GPHN: variants seen among roughly 807,000 people sequenced by gnomAD.
The protein encoded by GPHN is gephyrin.
GPHN carries 17 observed loss-of-function variants against 95.5 expected under a neutral mutation model. The ratio of observed to expected loss-of-function variants is 0.18; its 90% CI spans 0.12 to 0.27. GPHN has a LOEUF of 0.27. Among genes scored for constraint, GPHN ranks in the 10% least tolerant of loss-of-function variants. GPHN has a pLI of 1.00. For synonymous variants in GPHN, 320 were observed against 322.5 expected (o/e 0.99, Z 0.08); for missense variants, 660 against 978.1 (o/e 0.67, Z 4.34).
chr14:67,192,561 T>C, the GPHN span, among the ~76,000 whole-genome samples: 10 of 151,820 alleles, frequency 6.6e-5, no homozygotes, highest in Non-Finnish European at 1.3e-4. Flanking sequence ...AAGGAGCTTA[T>C]CAGGAGAGAA....
the GPHN span, among the ~76,000 whole-genome samples, chr14:67,676,026 G>A: frequency 2.6e-5 from 4 of 152,166 alleles, no homozygotes; most frequent in African/African-American, 9.7e-5. Flanking sequence ...GAACCCGGGA[G>A]GCAGTGGTTG....
At chr14:66,667,046 A>G (rs181733456) in intron 1 of GPHN, among the ~76,000 whole-genome samples, 42 of 152,334 alleles carry the variant, frequency 2.8e-4, no homozygotes, top group Admixed American at 1.4e-3. Flanking sequence ...AGTTGCCACA[A>G]AAAGAATAAA....
the GPHN span, among the ~76,000 whole-genome samples, chr14:67,339,130 G>C: frequency 6.6e-6 from 1 of 151,690 alleles, no homozygotes; most frequent in Non-Finnish European, 1.5e-5. Context: ...CGAGTAGCTG[G>C]GAATACAGGC....
At chr14:67,627,413 C>T in the GPHN span, among the ~76,000 whole-genome samples, 1 of 151,912 alleles carries the variant, frequency 6.6e-6, no homozygotes, top group Non-Finnish European at 1.5e-5. Flanking sequence ...AGTAAAGACA[C>T]ATTACAAATC....
the GPHN span, chr14:67,651,432 C>G: frequency 6.2e-7 from 1 of 1,613,816 alleles, no homozygotes; most frequent in African/African-American, 1.3e-5. Context: ...CCCAGGATGG[C>G]GAGCTCCAGT....
chr14:67,578,199 G>A, the GPHN span: 4 of 1,612,890 alleles, frequency 2.5e-6, no homozygotes, highest in Non-Finnish European at 2.5e-6. The surrounding 1 kb of genome is among the most constrained non-coding windows in gnomAD (Gnocchi z 5.0). Context: ...CCCTCATGCA[G>A]GTAGGCATGC....
chr14:67,275,213 T>A, the GPHN span, among the ~76,000 whole-genome samples: 1 of 152,338 alleles, frequency 6.6e-6, no homozygotes, highest in South Asian at 2.1e-4. Context: ...TGAAAGAGAA[T>A]GCTTCCAGTT....
chr14:67,376,328 T>C, the GPHN span: 5 of 1,103,514 alleles, frequency 4.5e-6, no homozygotes, highest in Admixed American at 2.8e-5. Flanking sequence ...TATGGAGATC[T>C]TTTATTGTTA....
intron 1 of GPHN, among the ~76,000 whole-genome samples, chr14:66,582,910 T>C (rs2061253939): frequency 6.6e-6 from 1 of 152,212 alleles, no homozygotes; most frequent in Admixed American, 6.5e-5. Flanking sequence ...AGTAACGGGA[T>C]GGCTGGGTCA....
intron 3 of GPHN, among the ~76,000 whole-genome samples, chr14:66,787,858 TTA>T (rs1555406304): frequency 1.3e-5 from 2 of 150,520 alleles, no homozygotes; most frequent in Admixed American, 6.6e-5. Context: ...ATAAAAAGTA[TTA>T]TATATATATA....
chr14:66,986,164 A>G (rs2071017314), intron 9 of GPHN, among the ~76,000 whole-genome samples: 1 of 148,028 alleles, frequency 6.8e-6, no homozygotes, highest in Non-Finnish European at 1.5e-5. Context: ...TGGTATCATC[A>G]CCATTTATAG....
At chr14:66,842,589 C>A in intron 4 of GPHN, 1 of 873,404 alleles carries the variant, frequency 1.1e-6, no homozygotes, top group South Asian at 1.5e-5. Context: ...TCTTATTTCC[C>A]TGAACCAGTT....
chr14:66,880,833 T>G (rs1596260597), intron 5 of GPHN, among the ~76,000 whole-genome samples: 1 of 152,006 alleles, frequency 6.6e-6, no homozygotes, highest in Non-Finnish European at 1.5e-5. Context: ...TTAGCAACTC[T>G]TAGATTTAGA....
chr14:67,175,177 T>C (rs149626774), intron 21 of GPHN, among the ~76,000 whole-genome samples: 1,834 of 152,258 alleles, frequency 0.012, 19 homozygotes, highest in Non-Finnish European at 0.018. Context: ...AATGGTATTG[T>C]CTAGGTTTTC....
chr14:67,181,006 G>A lies in GPHN; in HGVS notation c.*69G>A, dbSNP rs891592304. 10 of 1,464,604 alleles carry A rather than the reference G, an allele frequency of 6.8e-6. No homozygotes were observed. The highest frequency in any genetic ancestry group is 3.4e-5 in the South Asian group (3 of 87,502). 90.7% of individuals were successfully genotyped at this position (1,464,604 alleles called of 1,614,324 possible). On this transcript the variant is annotated 3_prime_UTR_variant, in exon 23 of 23. Coordinates refer to ENST00000478722, the MANE Select transcript of GPHN (RefSeq NM_020806.5). ...TTGACTGTATCCTGTAATATGCAAC[G>A]GCACAGCTAGTTTTCCCGATTTGGA...
intron 1 of GPHN, among the ~76,000 whole-genome samples, chr14:66,657,790 C>T (rs1380372408): frequency 1.3e-5 from 2 of 152,158 alleles, no homozygotes; most frequent in African/African-American, 4.8e-5. Flanking sequence ...ACTGACAGTG[C>T]CCCTCGTCAG....
chr14:66,993,606 T>A (rs1373629294), intron 9 of GPHN, among the ~76,000 whole-genome samples: 1 of 152,132 alleles, frequency 6.6e-6, no homozygotes, highest in East Asian at 1.9e-4. Flanking sequence ...ACTGACATGA[T>A]CAAGTAATAT....
At chr14:67,202,557 A>G in the GPHN span, among the ~76,000 whole-genome samples, 3 of 152,256 alleles carry the variant, frequency 2.0e-5, no homozygotes, top group East Asian at 1.9e-4. Flanking sequence ...ACTGTTGTCT[A>G]TACTTCTAAG....
rs548948968 is a variant in GPHN at position 66,786,790 on chromosome 14, A to T, written c.201+10269A>T. ...GATGAAAAATCAAATGATCATATCGATTGATGCAAAAATAGCATCTGACAA... is the reference window on the plus strand; with the variant it reads ...GATGAAAAATCAAATGATCATATCGTTTGATGCAAAAATAGCATCTGACAA... On this transcript the variant is annotated intron_variant, in intron 3 of 22. Coordinates refer to ENST00000478722, the MANE Select transcript of GPHN (RefSeq NM_020806.5). Among the ~76,000 whole-genome samples, 108 of 152,252 alleles carry T rather than the reference A, an allele frequency of 7.1e-4. 5 individuals are homozygous for T. The highest frequency in any genetic ancestry group is 2.0e-4 in the Admixed American group (3 of 15,302).
Sources: allele counts gnomAD v4.1 joint callset (sites outside exome capture counted in the v4.1 genomes callset), GRCh38; gene constraint gnomAD v4.1.1; non-coding constraint Gnocchi (gnomAD v3.1); transcripts MANE v1.5; gene names NCBI Gene and HGNC (gene_info 2026-07-23, HGNC 2026-07-21).